Variants in CWF19L2 observed in about 807,000 individuals in gnomAD.
CWF19L2 encodes CWF19 like cell cycle control factor 2, also known as CWF19-like protein 2.
A neutral mutation model predicts 111.7 loss-of-function variants in CWF19L2; 98 were observed. The observed-to-expected ratio is 0.88, with a 90% CI of 0.75 to 1.04. The LOEUF (loss-of-function observed/expected upper bound fraction) is 1.04. CWF19L2 is among the 50% of genes least tolerant of loss of function. The pLI, the probability that CWF19L2 is intolerant of heterozygous loss-of-function variation, is 0.00. For synonymous variants in CWF19L2, 351 were observed against 342.9 expected (o/e 1.02, Z -0.26); for missense variants, 1,101 against 1,051.4 (o/e 1.05, Z -0.65).
At chr11:107,334,986 G>GA (rs1859901665) in intron 15 of CWF19L2, 25 bp from the exon 16 acceptor site, 1 of 1,428,750 alleles carries the variant, frequency 7.0e-7, no homozygotes, top group Non-Finnish European at 9.8e-7. Flanking sequence ...TTTGTTAAGT[G>GA]AAAAAAGAAC....
intron 3 of CWF19L2, among the ~76,000 whole-genome samples, chr11:107,448,322 C>G (rs1190131055): frequency 1.8e-5 from 2 of 112,200 alleles, no homozygotes; most frequent in Non-Finnish European, 3.3e-5. Flanking sequence ...TCCCGCCTGG[C>G]AACAGAGCGA....
At chr11:107,432,176 T>C (rs1179523972) in intron 7 of CWF19L2, among the ~76,000 whole-genome samples, 1 of 152,194 alleles carries the variant, frequency 6.6e-6, no homozygotes, top group East Asian at 1.9e-4. Context: ...GGGAGAAATC[T>C]GAACAGATTT....
At chr11:107,394,522 C>A (rs1046651216) in intron 10 of CWF19L2, among the ~76,000 whole-genome samples, 2 of 152,176 alleles carry the variant, frequency 1.3e-5, no homozygotes, top group African/African-American at 4.8e-5. Context: ...TGAAATTCTT[C>A]TTATTTCAGT....
chr11:107,397,701 G>A (rs1275901359), intron 10 of CWF19L2, among the ~76,000 whole-genome samples: 2 of 152,176 alleles, frequency 1.3e-5, no homozygotes, highest in African/African-American at 4.8e-5. Flanking sequence ...CCTCCTGGCA[G>A]GAGGCCAACC....
intron 10 of CWF19L2, among the ~76,000 whole-genome samples, chr11:107,405,850 A>AAAAG (rs5794548): frequency 0.038 from 5,355 of 141,718 alleles, 202 homozygotes; most frequent in East Asian, 0.12. Context: ...AAAAAAAAAA[A>AAAAG]AAGAAGAAGA....
At chr11:107,397,857 C>T (rs1465654419) in intron 10 of CWF19L2, among the ~76,000 whole-genome samples, 1 of 152,034 alleles carries the variant, frequency 6.6e-6, no homozygotes, top group African/African-American at 2.4e-5. Context: ...CTGTGAAAAC[C>T]CCCCGTACCA....
intron 12 of CWF19L2, among the ~76,000 whole-genome samples, chr11:107,388,316 C>G (rs895211952): frequency 1.3e-5 from 2 of 152,136 alleles, no homozygotes; most frequent in African/African-American, 4.8e-5. Context: ...TCTCTGTATC[C>G]CCCAACTAAA....
chr11:107,416,703 G>T (rs1000219343), intron 9 of CWF19L2, among the ~76,000 whole-genome samples: 1 of 152,094 alleles, frequency 6.6e-6, no homozygotes, highest in African/African-American at 2.4e-5. Context: ...TGAAAATTCC[G>T]AAGATATTTC....
In CWF19L2 at chr11:107,385,306, C is replaced by T. The variant is rs537918900; in HGVS notation, c.1872+4768G>A. Among the ~76,000 whole-genome samples the T allele has an allele frequency of 5.2e-4, 68 of 129,994 alleles. 1 individual carries two copies. The highest frequency in any genetic ancestry group is 2.1e-3 in the African/African-American group (67 of 31,802). The allele number at this position is 129,994 out of a possible 152,430, so 85.3% of individuals were successfully genotyped here. On this transcript the variant is annotated intron_variant, in intron 12 of 17. Coordinates refer to ENST00000282251, the MANE Select transcript of CWF19L2 (RefSeq NM_152434.3). Reference sequence around the variant, plus strand: ...TTGCTTTGCATATTTAGAAAAAACACCTCCATTAAATAATACAAAAAAAAA... The same window carrying T: ...TTGCTTTGCATATTTAGAAAAAACATCTCCATTAAATAATACAAAAAAAAA...
chr11:107,392,070 CCATTA>C (rs199961118), intron 11 of CWF19L2, among the ~76,000 whole-genome samples: 1,628 of 152,232 alleles, frequency 0.011, 28 homozygotes, highest in African/African-American at 0.037. Context: ...CAAATTCCTC[CCATTA>C]CATTAGAAGA....
chr11:107,442,785 AGGAAGGAAGGGAGGGAGGGAGGGAG>A (rs1861642203), intron 4 of CWF19L2, among the ~76,000 whole-genome samples, 129 bp downstream of exon 4: 6 of 43,864 alleles, frequency 1.4e-4, no homozygotes, highest in African/African-American at 9.4e-4. Context: ...GAAGGAAGGA[AGGAAGGAAGGGAGGGAGGGAGGGAG>A]GGAGGGAGGG....
rs1284721375 is a variant in CWF19L2 at position 107,343,141 on chromosome 11, G to T, written c.2202+5796C>A. Among the ~76,000 whole-genome samples the T allele has an allele frequency of 2.0e-5, 3 of 152,186 alleles. No individual in the cohort carries two copies. The East Asian group carries it at 5.8e-4, about 29-fold the overall frequency. ...GCAACAATAGGAAACTAGTGCAATGGTGTTTTTAAGTTCTTTTATATCCTT... is the reference window on the plus strand; with the variant it reads ...GCAACAATAGGAAACTAGTGCAATGTTGTTTTTAAGTTCTTTTATATCCTT... On this transcript the variant is annotated intron_variant, in intron 14 of 17. Transcript: ENST00000282251.
chr11:107,451,810 A>T (rs1861781867), intron 3 of CWF19L2, among the ~76,000 whole-genome samples: 1 of 152,216 alleles, frequency 6.6e-6, no homozygotes, highest in African/African-American at 2.4e-5. Context: ...AAGAAACTCC[A>T]GGACCAAACC....
intron 10 of CWF19L2, among the ~76,000 whole-genome samples, chr11:107,409,403 C>A (rs1458836715): frequency 6.6e-6 from 1 of 152,032 alleles, no homozygotes; most frequent in African/African-American, 2.4e-5. Context: ...GCAAAGGGAC[C>A]AAAATGCATT....
intron 12 of CWF19L2, among the ~76,000 whole-genome samples, chr11:107,364,900 G>A (rs1749652712): frequency 1.9e-4 from 13 of 69,056 alleles, no homozygotes; most frequent in African/African-American, 1.1e-3. Context: ...TTTTTTGAAA[G>A]GATCAACAAA....
intron 10 of CWF19L2, among the ~76,000 whole-genome samples, chr11:107,410,605 C>T (rs1329907109): frequency 6.6e-6 from 1 of 152,134 alleles, no homozygotes; most frequent in African/African-American, 2.4e-5. Context: ...CTACTGAGTA[C>T]TGAAGTCCAC....
chr11:107,356,859 G>A (rs1245439994), intron 12 of CWF19L2, among the ~76,000 whole-genome samples: 2 of 152,064 alleles, frequency 1.3e-5, no homozygotes, highest in Non-Finnish European at 2.9e-5. Context: ...CCAACATGGA[G>A]AAACCCTGTC....
At chr11:107,433,867 T>G (rs1271894352) in intron 6 of CWF19L2, 118 bp from the exon 7 acceptor site, 1 of 170,910 alleles carries the variant, frequency 5.9e-6, no homozygotes, top group Non-Finnish European at 1.1e-5. Flanking sequence ...AATATATAAG[T>G]GCCTTTGGAA....
intron 16 of CWF19L2, among the ~76,000 whole-genome samples, chr11:107,333,227 A>G (rs1859875757): frequency 6.6e-6 from 1 of 152,176 alleles, no homozygotes; most frequent in African/African-American, 2.4e-5. Flanking sequence ...AAATCCTTTA[A>G]AACTGAATAT....
Sources: allele counts gnomAD v4.1 joint callset (sites outside exome capture counted in the v4.1 genomes callset), GRCh38; gene constraint gnomAD v4.1.1; transcripts MANE v1.5; gene names NCBI Gene and HGNC (gene_info 2026-07-23, HGNC 2026-07-21).